TRIB2: variants seen among roughly 807,000 people sequenced by gnomAD.
The protein encoded by TRIB2 is tribbles pseudokinase 2.
TRIB2 carries 2 observed loss-of-function variants against 26.8 expected under a neutral mutation model. The observed-to-expected ratio is 0.07, with a 90% CI of 0.03 to 0.24. The LOEUF is 0.24. Ranked by LOEUF, TRIB2 falls within the 10% of genes least tolerant of loss-of-function variation. TRIB2 has a pLI of 1.00. For synonymous variants in TRIB2, 189 were observed against 187.3 expected (o/e 1.01, Z -0.08); for missense variants, 306 against 449.0 (o/e 0.68, Z 2.88).
rs2103246582 is a variant in TRIB2, at chr2:12,717,064, G to A, written c.-1244G>A. 4.1e-6 allele frequency: 1 copy of A among 242,600 alleles called. No individual in the cohort carries two copies. Among genetic ancestry groups the A allele is most frequent in the East Asian group, 7.6e-5 (1 of 13,122 alleles). The allele number at this position is 242,600 out of a possible 1,614,324, so 15.0% of individuals were successfully genotyped here. A position where few individuals can be genotyped will look rare whatever the true frequency, so the allele number is the denominator to read the frequency against. The stretch of plus-strand genomic sequence containing the variant: ...GGGGATGCGGGCGTGCTGAGCGCGG[G>A]GATTGGCCTCGGGCACCGTCGGCCG... On this transcript the variant is annotated 5_prime_UTR_variant, in exon 1 of 3. Coordinates refer to ENST00000155926, the MANE Select transcript of TRIB2 (RefSeq NM_021643.4). The surrounding 1 kb of genome is among the most constrained non-coding windows in gnomAD (Gnocchi z 4.8).
chr2:12,730,542 C>T (rs1010328976), intron 2 of TRIB2, among the ~76,000 whole-genome samples: 1 of 152,252 alleles, frequency 6.6e-6, no homozygotes, highest in Non-Finnish European at 1.5e-5. Context: ...TGGATTGGGC[C>T]ACCAATGAGC....
intron 2 of TRIB2, chr2:12,724,617 T>C: frequency 6.2e-7 from 1 of 1,606,644 alleles, no homozygotes; most frequent in Non-Finnish European, 8.5e-7. Flanking sequence ...TTACCTTTTC[T>C]CTTCCGCTCA....
At position 12,740,956 on chromosome 2, in the gene TRIB2, G is replaced by A. The variant is rs534584273; in HGVS notation, c.*162G>A. On this transcript the variant is annotated 3_prime_UTR_variant, in exon 3 of 3. Coordinates refer to ENST00000155926, the MANE Select transcript of TRIB2 (RefSeq NM_021643.4). The surrounding 1 kb of genome is among the most constrained non-coding windows in gnomAD (Gnocchi z 5.8). ...AACCTTCAAGGAGCTGACTGACCACGTAGCATGGGGGCAAGAGGCGTGGGA... is the reference window on the plus strand; with the variant it reads ...AACCTTCAAGGAGCTGACTGACCACATAGCATGGGGGCAAGAGGCGTGGGA... 2.1e-5 allele frequency: 14 copies of A among 673,496 alleles called. No homozygotes were observed. Among genetic ancestry groups the A allele is most frequent in the Non-Finnish European group, 3.2e-5 (13 of 404,646 alleles). The allele number at this position is 673,496 out of a possible 1,614,324, so 41.7% of individuals were successfully genotyped here.
rs1043775206 is a variant in TRIB2 at position 12,740,049 on chromosome 2, G to A, written c.564-277G>A. 3.3e-5 allele frequency among the ~76,000 whole-genome samples: 5 copies of A among 152,282 alleles called. No individual in the cohort carries two copies. Among genetic ancestry groups the A allele is most frequent in the East Asian group, 1.9e-4 (1 of 5,174 alleles). On this transcript the variant is annotated intron_variant, in intron 2 of 2. Coordinates refer to ENST00000155926, the MANE Select transcript of TRIB2 (RefSeq NM_021643.4). The surrounding 1 kb of genome is among the most constrained non-coding windows in gnomAD (Gnocchi z 5.8). Reference sequence around the variant, plus strand: ...GTGATGATGATGTGATTCATGGTTCGCTAAGGTGCTCAAGGTTTGAGCTCC... The same window carrying A: ...GTGATGATGATGTGATTCATGGTTCACTAAGGTGCTCAAGGTTTGAGCTCC...
At position 12,718,238 on chromosome 2, in the gene TRIB2, A is replaced by G; in HGVS notation, c.-70A>G. 6.4e-7 allele frequency: 1 copy of G among 1,553,828 alleles called. No individual in the cohort carries two copies. Among genetic ancestry groups the G allele is most frequent in the Non-Finnish European group, 8.7e-7 (1 of 1,148,746 alleles). On this transcript the variant is annotated 5_prime_UTR_variant, in exon 1 of 3. Coordinates refer to ENST00000155926, the MANE Select transcript of TRIB2 (RefSeq NM_021643.4). This position sits in a 1 kb window ranked among gnomAD's most constrained non-coding sequence, Gnocchi z 4.0. Reference sequence around the variant, plus strand: ...AAATCAGTGGCACCGAGGCGCCTGCAGCCGCACTCGCCAGCGACTCATCTC... The same window carrying G: ...AAATCAGTGGCACCGAGGCGCCTGCGGCCGCACTCGCCAGCGACTCATCTC...
intron 1 of TRIB2, among the ~76,000 whole-genome samples, chr2:12,720,491 A>G (rs1661184363): frequency 6.6e-6 from 1 of 152,182 alleles, no homozygotes; most frequent in African/African-American, 2.4e-5. Context: ...GTATCTCCGA[A>G]GAAGCTCCAA....
At chr2:12,737,718 G>A (rs1351953084) in intron 2 of TRIB2, among the ~76,000 whole-genome samples, 1 of 152,190 alleles carries the variant, frequency 6.6e-6, no homozygotes, top group Non-Finnish European at 1.5e-5. Context: ...ATCCCAGAAT[G>A]ATAAAACTGG....
intron 2 of TRIB2, among the ~76,000 whole-genome samples, chr2:12,734,178 T>C (rs534381805): frequency 5.3e-5 from 8 of 152,348 alleles, no homozygotes; most frequent in African/African-American, 1.9e-4. Flanking sequence ...GGCTGGTGGC[T>C]GGCAGGGAGA....
rs1465319759 is a variant in TRIB2 at position 12,717,116 on chromosome 2, C to T, written c.-1192C>T. 2.9e-6 allele frequency: 1 copy of T among 350,442 alleles called. No individual in the cohort carries two copies. The highest frequency in any genetic ancestry group is 4.3e-5 in the East Asian group (1 of 23,444). 21.7% of individuals were successfully genotyped at this position (350,442 alleles called of 1,614,324 possible). A position where few individuals can be genotyped will look rare whatever the true frequency, so the allele number is the denominator to read the frequency against. On this transcript the variant is annotated 5_prime_UTR_variant, in exon 1 of 3. Coordinates refer to ENST00000155926, the MANE Select transcript of TRIB2 (RefSeq NM_021643.4). The surrounding 1 kb of genome is among the most constrained non-coding windows in gnomAD (Gnocchi z 4.8). The stretch of plus-strand genomic sequence containing the variant: ...CCCCTTTAATTTTTAAATACACGGT[C>T]CCCTCTTTTCTCTGGGGGGGGCAAG...
At position 12,741,001 on chromosome 2, in the gene TRIB2, G is replaced by A. The variant is rs1364015404; in HGVS notation, c.*207G>A. ...GTGGGATGGGGATTGGGGTGAGATG[G>A]ATGGGAGCCCGCTGGAGCTTGTCTT... On this transcript the variant is annotated 3_prime_UTR_variant, in exon 3 of 3. Coordinates refer to ENST00000155926, the MANE Select transcript of TRIB2 (RefSeq NM_021643.4). 4 of 571,046 alleles carry A rather than the reference G, an allele frequency of 7.0e-6. No homozygotes were observed. The South Asian group carries it at 9.0e-5, about 13-fold the overall frequency. 35.4% of individuals were successfully genotyped at this position (571,046 alleles called of 1,614,324 possible).
intron 1 of TRIB2, among the ~76,000 whole-genome samples, chr2:12,722,906 A>C (rs544204867): frequency 2.0e-5 from 3 of 152,314 alleles, no homozygotes; most frequent in South Asian, 2.1e-4. Flanking sequence ...ATTTTGCCTT[A>C]GTTCTATAAA....
rs1326276977 is a variant in TRIB2 at position 12,718,040 on chromosome 2, T to A, written c.-268T>A. The A allele has an allele frequency of 2.0e-6, 1 of 504,766 alleles. No individual in the cohort carries two copies. Among genetic ancestry groups the A allele is most frequent in the Non-Finnish European group, 3.5e-6 (1 of 284,972 alleles). 31.3% of individuals were successfully genotyped at this position (504,766 alleles called of 1,614,324 possible). A position where few individuals can be genotyped will look rare whatever the true frequency, so the allele number is the denominator to read the frequency against. ...AGAGTAACTAAAAGTGCGGCGATTC[T>A]GCACATCGCCGACTGCTTTGGGGTA... On this transcript the variant is annotated 5_prime_UTR_variant, in exon 1 of 3. Coordinates refer to ENST00000155926, the MANE Select transcript of TRIB2 (RefSeq NM_021643.4). This position sits in a 1 kb window ranked among gnomAD's most constrained non-coding sequence, Gnocchi z 4.0.
chr2:12,723,451 A>C lies in TRIB2; in HGVS notation c.462A>C (p.Arg154Ser), dbSNP rs1661268676. The change falls in exon 2 of 3, where the codon AGA becomes AGC. Residue 154 changes from arginine (R) to serine (S), a missense_variant. Physicochemically the swap from Arg to Ser is moderately radical, Grantham distance 110. Coordinates refer to ENST00000155926, the MANE Select transcript of TRIB2 (RefSeq NM_021643.4). ...CKKLREEEAA[R>S]LFYQIASAVA... ...AGCTGAGAGAGGAGGAGGCAGCCAG[A>C]CTGTTCTACCAGATTGCCTCGGCAG... 2 of 1,614,192 alleles carry C rather than the reference A, an allele frequency of 1.2e-6. No homozygotes were observed. The highest frequency in any genetic ancestry group is 1.7e-6 in the Non-Finnish European group (2 of 1,180,044).
intron 2 of TRIB2, among the ~76,000 whole-genome samples, chr2:12,737,929 A>G (rs1661619174): frequency 6.6e-6 from 1 of 152,216 alleles, no homozygotes; most frequent in East Asian, 1.9e-4. Context: ...TGACTCAGCC[A>G]TAGCCACACA....
Position 12,718,004 on chromosome 2 carries a change from G to T in TRIB2, c.-304G>T, listed in dbSNP as rs919241335. ...GGTACTCATCCAGATCCACGCCGGG[G>T]ACACACACACAGAGTAACTAAAAGT... On this transcript the variant is annotated 5_prime_UTR_variant, in exon 1 of 3. Transcript: ENST00000155926. This position sits in a 1 kb window ranked among gnomAD's most constrained non-coding sequence, Gnocchi z 4.0. 4.8e-5 allele frequency: 18 copies of T among 374,998 alleles called. No homozygotes were observed. Among genetic ancestry groups the T allele is most frequent in the Admixed American group, 4.7e-4 (11 of 23,490 alleles). The allele number at this position is 374,998 out of a possible 1,614,324, so 23.2% of individuals were successfully genotyped here.
Position 12,732,327 on chromosome 2 carries a change from G to GCA in TRIB2, c.564-7998_564-7997insAC. ...AGATTGGGTTTCCCATCCCAACTGTGCTATTTCCAAGCAAGTTCCTTCATC... is the reference window on the plus strand; with the variant it reads ...AGATTGGGTTTCCCATCCCAACTGTGCACTATTTCCAAGCAAGTTCCTTCATC... On this transcript the variant is annotated intron_variant, in intron 2 of 2. Transcript: ENST00000155926. The surrounding 1 kb of genome is among the most constrained non-coding windows in gnomAD (Gnocchi z 4.2). Among the ~76,000 whole-genome samples the GCA allele has an allele frequency of 6.6e-6, 1 of 152,268 alleles. No individual in the cohort carries two copies. Among genetic ancestry groups the GCA allele is most frequent in the South Asian group, 2.1e-4 (1 of 4,820 alleles).
chr2:12,729,345 T>C (rs1661404258), intron 2 of TRIB2, among the ~76,000 whole-genome samples: 1 of 152,246 alleles, frequency 6.6e-6, no homozygotes, highest in South Asian at 2.1e-4. Context: ...GTTGACGGAA[T>C]GTCTCCTTTT....
chr2:12,721,228 G>A (rs893850585), intron 1 of TRIB2, among the ~76,000 whole-genome samples: 10 of 152,178 alleles, frequency 6.6e-5, no homozygotes, highest in African/African-American at 2.2e-4. Context: ...GGCTACATTT[G>A]AAGCTGCCAC....
Position 12,718,157 on chromosome 2 carries a change from C to A in TRIB2, c.-151C>A. On this transcript the variant is annotated 5_prime_UTR_variant, in exon 1 of 3. Coordinates refer to ENST00000155926, the MANE Select transcript of TRIB2 (RefSeq NM_021643.4). The surrounding 1 kb of genome is among the most constrained non-coding windows in gnomAD (Gnocchi z 4.0). Reference sequence around the variant, plus strand: ...TCCGGCGGCGCCCATTTGGGGGCTTCTAACTCTTTCTCCACGCAGCCCCTC... The same window carrying A: ...TCCGGCGGCGCCCATTTGGGGGCTTATAACTCTTTCTCCACGCAGCCCCTC... 8.8e-7 allele frequency: 1 copy of A among 1,137,532 alleles called. No homozygotes were observed. The highest frequency in any genetic ancestry group is 1.2e-6 in the Non-Finnish European group (1 of 829,090). 70.5% of individuals were successfully genotyped at this position (1,137,532 alleles called of 1,614,324 possible). A position where few individuals can be genotyped will look rare whatever the true frequency, so the allele number is the denominator to read the frequency against.
Sources: gnomAD v4.1 joint callset for allele counts (sites outside exome capture counted in the v4.1 genomes callset) on GRCh38, gnomAD v4.1.1 for gene constraint, Gnocchi (gnomAD v3.1) non-coding constraint, MANE v1.5 for transcripts, NCBI Gene and HGNC (gene_info 2026-07-23, HGNC 2026-07-21) for gene names.